The following BPIFB4 variants were observed in gnomAD, a reference collection of about 807,000 sequenced individuals.
The protein encoded by BPIFB4 is BPI fold-containing family B member 4.
Under a neutral mutation model 69.2 loss-of-function variants are expected in BPIFB4, and 62 were observed. The observed-to-expected ratio is 0.90, with a 90% CI of 0.73 to 1.11. BPIFB4 has a LOEUF of 1.11. Ranked by LOEUF, BPIFB4 falls within the 50% of genes least tolerant of loss-of-function variation. The pLI is 0.00. For synonymous variants in BPIFB4, 330 were observed against 332.7 expected, an observed-to-expected ratio of 0.99 and a Z score of 0.09; for missense variants, 789 against 792.0, an observed-to-expected ratio of 1.00 and a Z score of 0.04.
At chr20:33,100,339 G>A (rs1210101113) in intron 13 of BPIFB4, 87 bp from the exon 14 acceptor site, 8 of 1,173,924 alleles carry the variant, frequency 6.8e-6, no homozygotes, top group African/African-American at 3.0e-5. Flanking sequence ...CGAAGCCCTA[G>A]CTAGCACTGG....
intron 7 of BPIFB4, among the ~76,000 whole-genome samples, chr20:33,087,717 A>AACAC (rs1555882746): frequency 0.024 from 1,402 of 59,420 alleles, 23 homozygotes; most frequent in Middle Eastern, 0.081. Flanking sequence ...CTATCCCCTC[A>AACAC]ACACACACAC....
Position 33,082,910 on chromosome 20 carries a change from C to A in BPIFB4, c.107-28C>A, listed in dbSNP as rs371919463. 1.0e-4 allele frequency: 162 copies of A among 1,601,360 alleles called. 1 individual carries two copies. The highest frequency in any genetic ancestry group is 1.2e-4 in the Non-Finnish European group (144 of 1,168,758). ...TGGAGGTGGAAAAAAGGGAGGAACC[C>A]TGGACTGATGCCCTTGCCTCTCTGC... is the stretch of plus-strand genomic sequence containing the variant. On this transcript the variant is annotated intron_variant, in intron 3 of 17. Transcript: ENST00000375483.
Position 33,083,617 on chromosome 20 carries a change from G to A in BPIFB4, c.420G>A (p.Arg140=), listed in dbSNP as rs748114441. 1.2e-6 allele frequency: 2 copies of A among 1,614,104 alleles called. No homozygotes were observed. The highest frequency in any genetic ancestry group is 1.1e-5 in the South Asian group (1 of 91,078). The change falls in exon 5 of 18, where the codon AGG becomes AGA. Residue 140 remains arginine, a synonymous_variant. Transcript: ENST00000375483. ...YGGHRGLGRY[R]AAPVGRLHRR... The stretch of plus-strand genomic sequence containing the variant: ...GCCACAGGGGCCTCGGGCGATACAG[G>A]GCAGCACCTGTGGGCAGGCTTCACC...
intron 13 of BPIFB4, 115 bp downstream of exon 13, chr20:33,097,902 G>T: frequency 8.4e-7 from 1 of 1,191,702 alleles, no homozygotes; most frequent in Non-Finnish European, 1.2e-6. Context: ...CATGACTATG[G>T]GCCCAACTTT....
In BPIFB4 at chr20:33,084,996, G is replaced by C; in HGVS notation, c.782G>C (p.Ser261Thr). ...LYTRVAINGKSLIGFLDIAVE... is the reference protein window; with the variant it reads ...LYTRVAINGKTLIGFLDIAVE... ...ACCCGTGTGGCCATCAACGGGAAGA[G>C]GTGCGTGCCCTTGGCCCTGGAGGGG... Residue 261 changes from serine to threonine, a missense_variant and splice_region_variant, in exon 6 of 18, where the codon AGT (serine) becomes ACT (threonine). Physicochemically the swap from Ser to Thr is moderately conservative, Grantham distance 58. Coordinates refer to ENST00000375483, the MANE Select transcript of BPIFB4 (RefSeq NM_182519.3). 6.2e-7 allele frequency: 1 copy of C among 1,611,402 alleles called. No homozygotes were observed.
chr20:33,085,142 C>T, intron 6 of BPIFB4, 146 bp downstream of exon 6: 10 of 1,439,524 alleles, frequency 6.9e-6, no homozygotes, highest in South Asian at 1.4e-5. Flanking sequence ...GTGAAAACAG[C>T]CTAGCACAGT....
rs757283990 is a variant in BPIFB4 at position 33,103,013 on chromosome 20, A to G, written c.1679A>G (p.Asp560Gly). 1.2e-6 allele frequency: 2 copies of G among 1,613,866 alleles called. No individual in the cohort carries two copies. Among genetic ancestry groups the G allele is most frequent in the African/African-American group, 1.3e-5 (1 of 75,022 alleles). ...NLRTSNVGNFDIGLMEVLVEK... is the reference protein window; with the variant it reads ...NLRTSNVGNFGIGLMEVLVEK... The stretch of plus-strand genomic sequence containing the variant: ...AGAACCTCAAACGTGGGCAACTTTG[A>G]TGTAAGTACCATGTTTAGTTCCCAG... Residue 560 changes from aspartate to glycine, a missense_variant and splice_region_variant, in exon 15 of 18, where the codon GAT becomes GGT. Physicochemically the swap from Asp to Gly is moderately conservative, Grantham distance 94. Coordinates refer to ENST00000375483, the MANE Select transcript of BPIFB4 (RefSeq NM_182519.3).
intron 2 of BPIFB4, among the ~76,000 whole-genome samples, chr20:33,081,004 T>C (rs1981212451): frequency 6.6e-6 from 1 of 152,186 alleles, no homozygotes; most frequent in Non-Finnish European, 1.5e-5. Context: ...GCTGGGTGTT[T>C]CCATGACAGA....
Position 33,084,906 on chromosome 20 carries a change from A to G in BPIFB4, c.692A>G (p.Glu231Gly), listed in dbSNP as rs199821437. The G allele has an allele frequency of 2.5e-6, 4 of 1,608,762 alleles. No individual in the cohort carries two copies. Among genetic ancestry groups the G allele is most frequent in the Admixed American group, 3.3e-5 (2 of 60,016 alleles). Residue 231 changes from glutamate to glycine, a missense_variant, in exon 6 of 18, where the codon GAG becomes GGG. This residue lies in a region of BPIFB4 where 611 missense variants were observed against 575.4 expected (regional missense o/e 1.06). Transcript: ENST00000375483. The stretch of plus-strand genomic sequence containing the variant: ...GTCCCGAGCAGGCTGCGTATCGTGG[A>G]GCTGACCCTCCCTCGGGTGTCCGTG... ...VQGITGLRIV[E>G]LTLPRVSVRL...
At chr20:33,100,551 C>T in intron 14 of BPIFB4, 58 bp downstream of exon 14, 2 of 1,494,052 alleles carry the variant, frequency 1.3e-6, no homozygotes, top group Non-Finnish European at 1.9e-6. Flanking sequence ...ATGGAGGAGC[C>T]ACCAGGGAGC....
chr20:33,089,861 T>G (rs1337939082), intron 9 of BPIFB4, among the ~76,000 whole-genome samples: 1 of 152,206 alleles, frequency 6.6e-6, no homozygotes, highest in African/African-American at 2.4e-5. Flanking sequence ...GAAGCTGGGT[T>G]TGAGCCCCGG....
intron 11 of BPIFB4, among the ~76,000 whole-genome samples, chr20:33,093,740 C>T (rs1324835662): frequency 6.6e-6 from 1 of 151,664 alleles, no homozygotes; most frequent in East Asian, 1.9e-4. Flanking sequence ...CATCCATATC[C>T]ACTAATCCAT....
At chr20:33,091,580 C>T (rs1418529595) in intron 10 of BPIFB4, among the ~76,000 whole-genome samples, 2 of 152,248 alleles carry the variant, frequency 1.3e-5, no homozygotes, top group African/African-American at 4.8e-5. Context: ...GGCGCCCCTG[C>T]GCATGCATAT....
rs954534769 is a variant in BPIFB4 at position 33,088,592 on chromosome 20, G to T, written c.927-374G>T. 2.6e-5 allele frequency among the ~76,000 whole-genome samples: 4 copies of T among 152,152 alleles called. No homozygotes were observed. In the East Asian group the frequency reaches 7.7e-4, roughly 29 times the overall value. ...GATGCTTAGATAAATAAACACGTTC[G>T]TTTTCCCTTTGGAAACACAACATAA... On this transcript the variant is annotated intron_variant, in intron 7 of 17. Transcript: ENST00000375483.
intron 13 of BPIFB4, among the ~76,000 whole-genome samples, 186 bp from the exon 14 acceptor site, chr20:33,100,240 A>G (rs55974691): frequency 0.014 from 2,083 of 152,298 alleles, 30 homozygotes; most frequent in Non-Finnish European, 0.024. Context: ...AATCCAGTAC[A>G]TGGTGAGTGT....
In BPIFB4 at chr20:33,097,634, C is replaced by T. The variant is rs374657195; in HGVS notation, c.1416C>T (p.Pro472=). 15 of 1,613,964 alleles carry T rather than the reference C, an allele frequency of 9.3e-6. No individual in the cohort carries two copies. Among genetic ancestry groups the T allele is most frequent in the East Asian group, 4.5e-5 (2 of 44,890 alleles). Residue 472 remains proline, a synonymous_variant, in exon 13 of 18, where the codon CCC becomes CCT. Transcript: ENST00000375483. ...ALIPKVFQQY[P]ESCPLIIRIQ... is the part of the protein sequence containing the mutation. ...GCCCACAGGTGTTCCAGCAGTACCC[C>T]GAGTCCTGCCCACTTATCATCAGGA...
chr20:33,105,618 C>A (rs1298014747), intron 16 of BPIFB4, among the ~76,000 whole-genome samples: 2 of 152,210 alleles, frequency 1.3e-5, no homozygotes, highest in African/African-American at 4.8e-5. Context: ...AGACTCTCTC[C>A]CACTCCTGCT....
rs1050281515 is a variant in BPIFB4, at chr20:33,097,626, C to A, written c.1408C>A (p.Gln470Lys). 4.3e-6 allele frequency: 7 copies of A among 1,613,690 alleles called. No homozygotes were observed. Among genetic ancestry groups the A allele is most frequent in the Admixed American group, 1.7e-5 (1 of 60,008 alleles). ...LGALIPKVFQ[Q>K]YPESCPLIIR... ...TGGTGCCTGCCCACAGGTGTTCCAG[C>A]AGTACCCCGAGTCCTGCCCACTTAT... The change falls in exon 13 of 18, where the codon CAG (glutamine) becomes AAG (lysine). Residue 470 changes from glutamine (Q) to lysine (K), a missense_variant. Gln to Lys is a moderately conservative substitution (Grantham distance 53). Around this residue, in one of 3 missense-constraint regions of BPIFB4, gnomAD observed 170 missense variants for 193.6 expected, o/e 0.88. Coordinates refer to ENST00000375483, the MANE Select transcript of BPIFB4 (RefSeq NM_182519.3).
chr20:33,099,618 G>A (rs1232335778), intron 13 of BPIFB4, among the ~76,000 whole-genome samples: 1 of 151,984 alleles, frequency 6.6e-6, no homozygotes, highest in Non-Finnish European at 1.5e-5. Context: ...CTGCCTCCTG[G>A]CCTTTGCCCA....
Sources: allele counts gnomAD v4.1 joint callset (sites outside exome capture counted in the v4.1 genomes callset), GRCh38; gene constraint gnomAD v4.1.1; regional missense constraint gnomAD v4.1.1; transcripts MANE v1.5; gene names NCBI Gene and HGNC (gene_info 2026-07-23, HGNC 2026-07-21).